The following XKR5 variants were observed in gnomAD, a reference collection of about 807,000 sequenced individuals.
XKR5 encodes the protein XK related 5.
Under a neutral mutation model 40.8 loss-of-function variants are expected in XKR5, and 46 were observed. The ratio of observed to expected loss-of-function variants is 1.13; its 90% confidence interval spans 0.89 to 1.44. XKR5 has a LOEUF of 1.44. XKR5 is among the 40% of genes most tolerant of loss of function. XKR5 has a pLI of 0.00. For synonymous variants in XKR5, 466 were observed against 356.1 expected (o/e 1.31, Z -3.48); for missense variants, 1,169 against 844.7 (o/e 1.38, Z -4.76).
intron 5 of XKR5, among the ~76,000 whole-genome samples, chr8:6,818,894 T>C (rs1804089856): frequency 6.6e-6 from 1 of 152,076 alleles, no homozygotes; most frequent in Non-Finnish European, 1.5e-5. Context: ...GTATAAAAAT[T>C]AACCAGGTAT....
chr8:6,815,764 G>A (rs1460418177), intron 6 of XKR5, 43 bp downstream of exon 6: 57 of 1,376,396 alleles, frequency 4.1e-5, no homozygotes, highest in Non-Finnish European at 5.1e-5. Flanking sequence ...AAAAAAATAC[G>A]TTGGGGAGGG....
chr8:6,814,035 A>T (rs760535638), intron 6 of XKR5, among the ~76,000 whole-genome samples: 3 of 152,178 alleles, frequency 2.0e-5, no homozygotes, highest in Non-Finnish European at 2.9e-5. Context: ...AGGCCCCTTC[A>T]TTCCAAGTAT....
intron 6 of XKR5, among the ~76,000 whole-genome samples, chr8:6,814,246 C>G (rs552000198): frequency 3.3e-5 from 5 of 152,320 alleles, no homozygotes; most frequent in African/African-American, 1.2e-4. Context: ...GAACCAGATG[C>G]CCGTCCATGG....
chr8:6,825,119 C>T (rs554034568), intron 3 of XKR5, 46 bp downstream of exon 3: 22 of 1,606,480 alleles, frequency 1.4e-5, no homozygotes, highest in Non-Finnish European at 1.8e-5. Flanking sequence ...TTCCTGTCCC[C>T]CTTCGGCAGT....
intron 2 of XKR5, among the ~76,000 whole-genome samples, chr8:6,831,027 G>A (rs1437726955): frequency 6.6e-6 from 1 of 152,180 alleles, no homozygotes; most frequent in African/African-American, 2.4e-5. Context: ...GCTTCTCTAA[G>A]TGACCACCTG....
chr8:6,823,050 G>T (rs191195978), intron 4 of XKR5, among the ~76,000 whole-genome samples: 1 of 152,298 alleles, frequency 6.6e-6, no homozygotes, highest in Admixed American at 6.5e-5. Flanking sequence ...GAAGTTCTCT[G>T]CTCCAGATTT....
Position 6,825,285 on chromosome 8 carries a change from G to A in XKR5, c.307C>T (p.Gln103Ter), listed in dbSNP as rs1367951837. 6.2e-7 allele frequency: 1 copy of A among 1,610,420 alleles called. No homozygotes were observed. The highest frequency in any genetic ancestry group is 1.1e-5 in the South Asian group (1 of 90,704). Reference sequence around the variant, plus strand: ...GCCGACAGGTCGGCCTCCTGCAGCTGCAGCCAGCCTCGGTGGGGAGCCTCC... The same window carrying A: ...GCCGACAGGTCGGCCTCCTGCAGCTACAGCCAGCCTCGGTGGGGAGCCTCC... Reference protein sequence around the residue: ...ELEAPHRGWLQLQEADLSALR... With the variant: ...ELEAPHRGWL Residue 103 changes from glutamine to a stop codon, truncating the protein, a stop_gained, in exon 3 of 7, where the codon CAG becomes TAG. Coordinates refer to ENST00000618742, the MANE Select transcript of XKR5 (RefSeq NM_207411.5). LOFTEE classifies it high-confidence loss of function.
chr8:6,832,976 G>T (rs369725145), intron 1 of XKR5, 76 bp from the exon 2 acceptor site: 2 of 1,294,578 alleles, frequency 1.5e-6, no homozygotes, highest in African/African-American at 3.1e-5. Flanking sequence ...TTAAACAACT[G>T]AACATTTTCT....
chr8:6,832,638 G>T, intron 2 of XKR5, 79 bp downstream of exon 2: 1 of 1,560,426 alleles, frequency 6.4e-7, no homozygotes. Flanking sequence ...CTTGAGGACA[G>T]AATCCACATG....
At chr8:6,820,766 C>T (rs1473957874) in intron 5 of XKR5, among the ~76,000 whole-genome samples, 3 of 152,168 alleles carry the variant, frequency 2.0e-5, no homozygotes, top group Admixed American at 1.3e-4. Flanking sequence ...TGAGCTCTGC[C>T]TGGCTCTATA....
chr8:6,815,546 G>T (rs1803915627), intron 6 of XKR5, among the ~76,000 whole-genome samples: 1 of 152,116 alleles, frequency 6.6e-6, no homozygotes, highest in African/African-American at 2.4e-5. Context: ...AAGCTCCGGG[G>T]AGGACGGGGG....
intron 2 of XKR5, among the ~76,000 whole-genome samples, chr8:6,829,746 G>A (rs1804672142): frequency 1.3e-5 from 2 of 151,384 alleles, no homozygotes; most frequent in Admixed American, 6.6e-5. Flanking sequence ...AGAACTCCTG[G>A]CCTCAAGAGA....
chr8:6,816,186 CT>C (rs1297497310), intron 5 of XKR5, among the ~76,000 whole-genome samples: 1 of 152,096 alleles, frequency 6.6e-6, no homozygotes, highest in East Asian at 1.9e-4. Context: ...CCTCAAATGG[CT>C]GTGGGGCTGC....
At position 6,825,176 on chromosome 8, in the gene XKR5, T is replaced by G; in HGVS notation, c.416A>C (p.Asp139Ala). ...TGACAGTTACTCACCTGGCACAATA[T>G]CTGTGAAGTCTGAGGCTAGAAAAAC... ...TYVFLASDFTDIVPGVSTLFS... is the reference protein window; with the variant it reads ...TYVFLASDFTAIVPGVSTLFS... Residue 139 changes from aspartate to alanine, a missense_variant, in exon 3 of 7, where the codon GAT becomes GCT. Asp to Ala is a moderately radical substitution (Grantham distance 126, BLOSUM62 -2). Coordinates refer to ENST00000618742, the MANE Select transcript of XKR5 (RefSeq NM_207411.5). The G allele has an allele frequency of 6.2e-7, 1 of 1,613,444 alleles. No individual in the cohort carries two copies. The highest frequency in any genetic ancestry group is 8.5e-7 in the Non-Finnish European group (1 of 1,179,680).
chr8:6,814,348 G>C (rs1012327329), intron 6 of XKR5, among the ~76,000 whole-genome samples: 18 of 152,216 alleles, frequency 1.2e-4, no homozygotes, highest in African/African-American at 4.3e-4. Context: ...TCTCCGGAGA[G>C]CTCTGCCAAG....
chr8:6,834,777 C>A (rs978312135), intron 1 of XKR5, among the ~76,000 whole-genome samples: 4 of 152,226 alleles, frequency 2.6e-5, no homozygotes, highest in African/African-American at 9.6e-5. Context: ...GCGTTCAAAC[C>A]AGAAGGGCGC....
At position 6,832,767 on chromosome 8, in the gene XKR5, C is replaced by G; in HGVS notation, c.192G>C (p.Gly64=). 6.2e-7 allele frequency: 1 copy of G among 1,613,446 alleles called. No homozygotes were observed. Among genetic ancestry groups the G allele is most frequent in the Non-Finnish European group, 8.5e-7 (1 of 1,179,684 alleles). Residue 64 remains glycine, a synonymous_variant, in exon 2 of 7, where the codon GGG becomes GGC. Coordinates refer to ENST00000618742, the MANE Select transcript of XKR5 (RefSeq NM_207411.5). ...YLWFRADGHP[G]HCSLMMLHLL... is the part of the protein sequence containing the mutation. Reference sequence around the variant, plus strand: ...GGTGCAGCATCATCAAGGAGCAATGCCCTGGATGCCCGTCTGCTCGGAACC... The same window carrying G: ...GGTGCAGCATCATCAAGGAGCAATGGCCTGGATGCCCGTCTGCTCGGAACC...
At chr8:6,834,608 G>A (rs1372635887) in intron 1 of XKR5, among the ~76,000 whole-genome samples, 1 of 152,202 alleles carries the variant, frequency 6.6e-6, no homozygotes, top group Non-Finnish European at 1.5e-5. Flanking sequence ...CGGAAGCAGC[G>A]GGACCTGCGG....
At chr8:6,832,948 A>G in intron 1 of XKR5, 48 bp from the exon 2 acceptor site, 1 of 1,456,154 alleles carries the variant, frequency 6.9e-7, no homozygotes, top group Non-Finnish European at 9.1e-7. Flanking sequence ...GGCTGGAGTG[A>G]GACTGGGTAC....
Sources: allele counts gnomAD v4.1 joint callset (sites outside exome capture counted in the v4.1 genomes callset), GRCh38; gene constraint gnomAD v4.1.1; transcripts MANE v1.5; gene names NCBI Gene and HGNC (gene_info 2026-07-23, HGNC 2026-07-21).